GRIP2: variants seen among roughly 807,000 people sequenced by gnomAD.
GRIP2 encodes the protein glutamate receptor interacting protein 2.
In GRIP2, 58 loss-of-function variants were observed where a neutral mutation model predicts 108.3. The ratio of observed to expected loss-of-function variants is 0.54; its 90% CI spans 0.43 to 0.67. The LOEUF (loss-of-function observed/expected upper bound fraction) is 0.67. Among genes scored for constraint, GRIP2 ranks in the 30% least tolerant of loss-of-function variants. GRIP2 has a pLI of 0.00. For synonymous variants in GRIP2, 586 were observed against 598.2 expected (o/e 0.98, Z 0.30); for missense variants, 1,278 against 1,430.6 (o/e 0.89, Z 1.72).
At position 14,498,479 on chromosome 3, in the gene GRIP2, T is replaced by A. The variant is rs997369515; in HGVS notation, c.2680-1919A>T. On this transcript the variant is annotated intron_variant, in intron 21 of 23. Coordinates refer to ENST00000621039, the MANE Select transcript of GRIP2 (RefSeq NM_001080423.4). Reference sequence around the variant, plus strand: ...TCCTATCACTAAAAAATAAAAACTGTTTTAGGGCCAAACTGTTGGGTTGGA... The same window carrying A: ...TCCTATCACTAAAAAATAAAAACTGATTTAGGGCCAAACTGTTGGGTTGGA... 2.0e-5 allele frequency among the ~76,000 whole-genome samples: 3 copies of A among 151,978 alleles called. No homozygotes were observed. The South Asian group carries it at 6.2e-4, about 32-fold the overall frequency.
At position 14,501,920 on chromosome 3, in the gene GRIP2, A is replaced by G. The variant is rs372723529; in HGVS notation, c.2679+1646T>C. 2.6e-4 allele frequency among the ~76,000 whole-genome samples: 40 copies of G among 152,290 alleles called. No homozygotes were observed. The South Asian group carries it at 7.7e-3, about 29-fold the overall frequency. ...AAAATCTCCAAATTGGAGATTGTGG[A>G]GAGAGTGAGCAGTAATGAAAAATGG... On this transcript the variant is annotated intron_variant, in intron 21 of 23. Transcript: ENST00000621039.
chr3:14,507,835 C>A lies in GRIP2; in HGVS notation c.2079-135G>T. ...CCCAGTTAAACCCAGCTGCCAAAAACAAAACAAAAGCACGCAAGTATGATC... is the reference window on the plus strand; with the variant it reads ...CCCAGTTAAACCCAGCTGCCAAAAAAAAAACAAAAGCACGCAAGTATGATC... On this transcript the variant is annotated intron_variant, in intron 17 of 23. Transcript: ENST00000621039. This position sits in a 1 kb window ranked among gnomAD's most constrained non-coding sequence, Gnocchi z 4.6. The A allele has an allele frequency of 1.1e-6, 1 of 949,042 alleles. No individual in the cohort carries two copies. Among genetic ancestry groups the A allele is most frequent in the Non-Finnish European group, 1.6e-6 (1 of 635,074 alleles). The allele number at this position is 949,042 out of a possible 1,614,324, so 58.8% of individuals were successfully genotyped here.
At chr3:14,517,647 G>A (rs958637363) in intron 10 of GRIP2, 125 bp downstream of exon 10, 180 of 1,273,526 alleles carry the variant, frequency 1.4e-4, no homozygotes, top group Non-Finnish European at 1.8e-4. Context: ...GACCACAGGC[G>A]TGCACCACCA....
Position 14,517,164 on chromosome 3 carries a change from G to A in GRIP2, c.1206C>T (p.Ser402=). 2 of 1,608,686 alleles carry A rather than the reference G, an allele frequency of 1.2e-6. No homozygotes were observed. Among genetic ancestry groups the A allele is most frequent in the Non-Finnish European group, 1.7e-6 (2 of 1,177,902 alleles). The change falls in exon 11 of 24, where the codon TCC becomes TCT. Residue 402 remains serine, a synonymous_variant. Coordinates refer to ENST00000621039, the MANE Select transcript of GRIP2 (RefSeq NM_001080423.4). ...FSSPTLNHAF[S]CNNPSTLPRG... is the part of the protein sequence containing the mutation. ...GGGGAAGGGTGCTGGGGTTGTTGCA[G>A]GAAAAGGCGTGGTTCAAGGTCGGCG...
chr3:14,507,787 C>T lies in GRIP2; in HGVS notation c.2079-87G>A. On this transcript the variant is annotated intron_variant, in intron 17 of 23. Transcript: ENST00000621039. The surrounding 1 kb of genome is among the most constrained non-coding windows in gnomAD (Gnocchi z 4.6). The stretch of plus-strand genomic sequence containing the variant: ...CTGCCCTCAGGGAATCCAGGAGAGC[C>T]ACAAAGCAGAAGTCTGGCTGACCCC... 2 of 1,497,042 alleles carry T rather than the reference C, an allele frequency of 1.3e-6. No homozygotes were observed. The highest frequency in any genetic ancestry group is 1.8e-6 in the Non-Finnish European group (2 of 1,089,696). The allele number at this position is 1,497,042 out of a possible 1,614,324, so 92.7% of individuals were successfully genotyped here. A position where few individuals can be genotyped will look rare whatever the true frequency, so the allele number is the denominator to read the frequency against.
chr3:14,589,238 C>T, the GRIP2 span, among the ~76,000 whole-genome samples: 3 of 152,154 alleles, frequency 2.0e-5, no homozygotes, highest in East Asian at 1.9e-4. Flanking sequence ...CATCACTCTT[C>T]GTTGTGTACA....
rs770772184 is a variant in GRIP2, at chr3:14,523,017, G to A, written c.549C>T (p.Pro183=). 1.3e-5 allele frequency: 21 copies of A among 1,613,588 alleles called. No homozygotes were observed. The highest frequency in any genetic ancestry group is 2.2e-5 in the East Asian group (1 of 44,884). ...CGGCTCACCTGTCGGCAGGGCCACC[G>A]GGCCGCACGTAGGTCAGGACAAGCG... is the stretch of plus-strand genomic sequence containing the variant. ...SRPLVLTYVR[P]GGPADREGSL... Residue 183 remains proline, a synonymous_variant, in exon 6 of 24, where the codon CCC becomes CCT. Transcript: ENST00000621039.
At chr3:14,564,227 T>C in the GRIP2 span, among the ~76,000 whole-genome samples, 6 of 152,248 alleles carry the variant, frequency 3.9e-5, no homozygotes, top group African/African-American at 1.4e-4. Flanking sequence ...TGGCACTGCC[T>C]TTAAAGAGCA....
chr3:14,507,531 G>A lies in GRIP2; in HGVS notation c.2218+30C>T. ...GGATTGCCCTTCCTAAACCTGCTGGGTGGCTCCCAGGGGATGAAGCGAATC... is the reference window on the plus strand; with the variant it reads ...GGATTGCCCTTCCTAAACCTGCTGGATGGCTCCCAGGGGATGAAGCGAATC... On this transcript the variant is annotated intron_variant, in intron 18 of 23. Transcript: ENST00000621039. This position sits in a 1 kb window ranked among gnomAD's most constrained non-coding sequence, Gnocchi z 4.6. 3.1e-6 allele frequency: 5 copies of A among 1,607,652 alleles called. No homozygotes were observed. Among genetic ancestry groups the A allele is most frequent in the Non-Finnish European group, 4.3e-6 (5 of 1,174,462 alleles).
At chr3:14,599,619 A>C in the GRIP2 span, among the ~76,000 whole-genome samples, 1 of 151,794 alleles carries the variant, frequency 6.6e-6, no homozygotes, top group South Asian at 2.1e-4. Context: ...ATTTGCTGCA[A>C]TAAAAGAAAG....
chr3:14,521,639 C>T lies in GRIP2; in HGVS notation c.712+3G>A, dbSNP rs777853106. On this transcript the variant is annotated splice_donor_region_variant and intron_variant, in intron 7 of 23. Coordinates refer to ENST00000621039, the MANE Select transcript of GRIP2 (RefSeq NM_001080423.4). The surrounding 1 kb of genome is among the most constrained non-coding windows in gnomAD (Gnocchi z 5.1). ...AACCCACACACTCAGGCCCCCAACTCACCAGGGGTGGCCACATCATACTCC... is the reference window on the plus strand; with the variant it reads ...AACCCACACACTCAGGCCCCCAACTTACCAGGGGTGGCCACATCATACTCC... The T allele has an allele frequency of 4.4e-6, 7 of 1,605,290 alleles. No individual in the cohort carries two copies. The Admixed American group carries it at 5.1e-5, about 12-fold the overall frequency.
the GRIP2 span, among the ~76,000 whole-genome samples, chr3:14,596,955 C>A: frequency 6.6e-6 from 1 of 152,162 alleles, no homozygotes; most frequent in Admixed American, 6.5e-5. Context: ...GTTGCCCAGG[C>A]TGGTCTCAAA....
intron 21 of GRIP2, among the ~76,000 whole-genome samples, chr3:14,502,500 A>G (rs903502638): frequency 6.6e-6 from 1 of 152,008 alleles, no homozygotes; most frequent in African/African-American, 2.4e-5. Flanking sequence ...TCTCAAAAAA[A>G]AAAAGAGAGA....
At chr3:14,581,779 C>G in the GRIP2 span, among the ~76,000 whole-genome samples, 11 of 152,340 alleles carry the variant, frequency 7.2e-5, no homozygotes, top group East Asian at 2.1e-3. Context: ...CTCTTTCGCA[C>G]TTGGGCAAGT....
In GRIP2 at chr3:14,512,953, C is replaced by T; in HGVS notation, c.1640-96G>A. 9.2e-7 allele frequency: 1 copy of T among 1,091,264 alleles called. No individual in the cohort carries two copies. The highest frequency in any genetic ancestry group is 1.4e-6 in the Non-Finnish European group (1 of 712,464). The allele number at this position is 1,091,264 out of a possible 1,614,324, so 67.6% of individuals were successfully genotyped here. ...CCATTCTGGCTGTGCTGGGAGTGAC[C>T]CCGAAAGTCACAGTTCTAATCTCAT... On this transcript the variant is annotated intron_variant, in intron 13 of 23. Transcript: ENST00000621039. The surrounding 1 kb of genome is among the most constrained non-coding windows in gnomAD (Gnocchi z 5.1).
chr3:14,560,509 G>A (rs973834100), upstream of GRIP2, among the ~76,000 whole-genome samples: 15 of 152,158 alleles, frequency 9.9e-5, no homozygotes, highest in African/African-American at 3.6e-4. Flanking sequence ...GCCACGGCAA[G>A]CAGCTCAAGG....
the GRIP2 span, among the ~76,000 whole-genome samples, chr3:14,595,452 TCAAACCACTTTCTCCTC>T: frequency 1.6e-3 from 251 of 152,354 alleles, 1 homozygote; most frequent in African/African-American, 5.8e-3. Flanking sequence ...GCCTGCACTT[TCAAACCACTTTCTCCTC>T]CATTTTTAAA....
chr3:14,546,406 T>C (rs1695058834), upstream of GRIP2, among the ~76,000 whole-genome samples: 1 of 151,804 alleles, frequency 6.6e-6, no homozygotes, highest in Non-Finnish European at 1.5e-5. Context: ...GCTGCAAGGG[T>C]CAGGATGGCA....
chr3:14,569,563 G>T, the GRIP2 span, among the ~76,000 whole-genome samples: 1 of 152,170 alleles, frequency 6.6e-6, no homozygotes, highest in Non-Finnish European at 1.5e-5. Context: ...CAGGGGTCCT[G>T]GGGGAGAGAC....
Sources: allele counts gnomAD v4.1 joint callset (sites outside exome capture counted in the v4.1 genomes callset), GRCh38; gene constraint gnomAD v4.1.1; non-coding constraint Gnocchi (gnomAD v3.1); transcripts MANE v1.5; gene names NCBI Gene and HGNC (gene_info 2026-07-23, HGNC 2026-07-21).